The following TTLL5 variants were observed in gnomAD, a reference collection of about 807,000 sequenced individuals.
TTLL5 encodes tubulin tyrosine ligase like 5.
TTLL5 carries 132 observed loss-of-function variants against 168.4 expected under a neutral mutation model. That is an observed-to-expected ratio of 0.78 (90% CI 0.68 to 0.91). TTLL5 has a LOEUF of 0.91. TTLL5 is among the 40% of genes least tolerant of loss of function. TTLL5 has a pLI of 0.00. For missense variants in TTLL5, 1,545 were observed against 1,581.5 expected (o/e 0.98, Z 0.39); for synonymous variants, 546 against 558.6 (o/e 0.98, Z 0.32).
chr14:75,709,050 G>A, intron 9 of TTLL5: 1 of 643,904 alleles, frequency 1.6e-6, no homozygotes, highest in East Asian at 2.7e-5. Context: ...GTCCTGGGCT[G>A]TATGCAGCCT....
At chr14:75,697,429 A>AT (rs1266613550) in intron 6 of TTLL5, among the ~76,000 whole-genome samples, 1 of 152,174 alleles carries the variant, frequency 6.6e-6, no homozygotes, top group Non-Finnish European at 1.5e-5. Flanking sequence ...GGCACATTAA[A>AT]TTTTTTCTAA....
At chr14:75,846,626 A>G (rs982739215) in intron 28 of TTLL5, among the ~76,000 whole-genome samples, 1 of 152,068 alleles carries the variant, frequency 6.6e-6, no homozygotes. Flanking sequence ...CCCTGTCTCT[A>G]CTAAAAATAC....
At chr14:75,746,789 C>T (rs555384682) in intron 17 of TTLL5, among the ~76,000 whole-genome samples, 11 of 152,226 alleles carry the variant, frequency 7.2e-5, no homozygotes, top group Non-Finnish European at 1.2e-4. Flanking sequence ...ATCTTGAACT[C>T]CTGGGCTCAA....
At chr14:75,837,262 A>G (rs2139829594) in intron 28 of TTLL5, 1 of 152,332 alleles carries the variant, frequency 6.6e-6, no homozygotes, top group South Asian at 2.1e-4. Context: ...ACTTTTCCAC[A>G]TGGACTTCTC....
At chr14:75,870,618 T>TAC (rs2030951390) in intron 29 of TTLL5, among the ~76,000 whole-genome samples, 1 of 152,182 alleles carries the variant, frequency 6.6e-6, no homozygotes, top group South Asian at 2.1e-4. Flanking sequence ...TTATTAATAA[T>TAC]ACAGGAATGA....
intron 31 of TTLL5, among the ~76,000 whole-genome samples, chr14:75,914,487 T>A (rs894660729): frequency 5.3e-5 from 8 of 152,142 alleles, no homozygotes; most frequent in Non-Finnish European, 1.2e-4. Flanking sequence ...TCATAAAAAA[T>A]GCATTTTATT....
intron 28 of TTLL5, among the ~76,000 whole-genome samples, chr14:75,827,704 G>GTTTT (rs1566621341): frequency 3.2e-5 from 3 of 92,554 alleles, no homozygotes; most frequent in African/African-American, 1.2e-4. Flanking sequence ...ATTTGGCTTG[G>GTTTT]TTCTTTTTTT....
At chr14:75,907,955 C>T (rs886827193) in intron 31 of TTLL5, among the ~76,000 whole-genome samples, 7 of 152,202 alleles carry the variant, frequency 4.6e-5, no homozygotes, top group Non-Finnish European at 1.0e-4. Flanking sequence ...GATACTTGGA[C>T]CTGCCACAGT....
intron 26 of TTLL5, among the ~76,000 whole-genome samples, chr14:75,789,093 C>A (rs993230349): frequency 6.6e-6 from 1 of 152,064 alleles, no homozygotes; most frequent in Non-Finnish European, 1.5e-5. Flanking sequence ...GAAGGAGATT[C>A]TCTTAAAAAA....
At chr14:75,772,054 A>C (rs755331463) in intron 21 of TTLL5, among the ~76,000 whole-genome samples, 200 bp downstream of exon 21, 1 of 152,152 alleles carries the variant, frequency 6.6e-6, no homozygotes, top group South Asian at 2.1e-4. Flanking sequence ...ATGTGAAGCA[A>C]ATCTTTGACC....
At chr14:75,825,332 GGA>G (rs1251958188) in intron 28 of TTLL5, among the ~76,000 whole-genome samples, 1 of 152,148 alleles carries the variant, frequency 6.6e-6, no homozygotes, top group Non-Finnish European at 1.5e-5. Flanking sequence ...TCCTGGGACT[GGA>G]TAACAGAAAT....
Position 75,752,903 on chromosome 14 carries a change from G to T in TTLL5, c.1498G>T (p.Glu500Ter). 6.2e-7 allele frequency: 1 copy of T among 1,612,898 alleles called. No homozygotes were observed. Among genetic ancestry groups the T allele is most frequent in the East Asian group, 2.2e-5 (1 of 44,822 alleles). ...ETWEIYGSYL[E>*]HKTSMNYMLA... ...TTCTTTGCTTTTCAGGTCCTACCTC[G>T]AGCATAAGACCTCAATGAACTATAT... Residue 500 changes from glutamate (E) to a stop codon, truncating the protein, a stop_gained, in exon 18 of 32, where the codon GAG (glutamate) becomes TAG (stop). Coordinates refer to ENST00000298832, the MANE Select transcript of TTLL5 (RefSeq NM_015072.5). LOFTEE classifies it high-confidence loss of function.
chr14:75,684,524 A>G (rs1481926550), intron 5 of TTLL5: 1 of 152,236 alleles, frequency 6.6e-6, no homozygotes, highest in Admixed American at 6.5e-5. Flanking sequence ...AATTTTGATG[A>G]CAGATCATTT....
At position 75,719,807 on chromosome 14, in the gene TTLL5, A is replaced by C; in HGVS notation, c.915A>C (p.Gln305His). Residue 305 changes from glutamine (Q) to histidine (H), a missense_variant, in exon 11 of 32, where the codon CAA becomes CAC. Coordinates refer to ENST00000298832, the MANE Select transcript of TTLL5 (RefSeq NM_015072.5). ...SMSAMLRYLK[Q>H]EGRDTTALMA... ...GTGCTATGCTTAGGTACCTGAAACA[A>C]GAAGGCAGAGATACAACCGGTGAGT... 6.2e-7 allele frequency: 1 copy of C among 1,613,976 alleles called. No homozygotes were observed. Among genetic ancestry groups the C allele is most frequent in the Non-Finnish European group, 8.5e-7 (1 of 1,179,906 alleles).
chr14:75,920,568 G>A (rs2033790781), intron 31 of TTLL5, among the ~76,000 whole-genome samples: 1 of 152,208 alleles, frequency 6.6e-6, no homozygotes, highest in South Asian at 2.1e-4. Flanking sequence ...TCCCTGCAAA[G>A]GACATGAACT....
Position 75,661,406 on chromosome 14 carries a change from G to A in TTLL5, c.-96+19G>A, listed in dbSNP as rs1890709135. The A allele has an allele frequency of 1.3e-5, 2 of 152,426 alleles. No homozygotes were observed. Among genetic ancestry groups the A allele is most frequent in the Admixed American group, 1.3e-4 (2 of 15,292 alleles). The allele number at this position is 152,426 out of a possible 1,614,324, so 9.4% of individuals were successfully genotyped here. On this transcript the variant is annotated intron_variant, in intron 1 of 31. Transcript: ENST00000298832. Reference sequence around the variant, plus strand: ...GAGACAGGTAAACGCCTGCGCCCGCGCGCTTCCCTACCCTAGGGAGGAGCA... The same window carrying A: ...GAGACAGGTAAACGCCTGCGCCCGCACGCTTCCCTACCCTAGGGAGGAGCA...
intron 31 of TTLL5, among the ~76,000 whole-genome samples, chr14:75,939,256 G>C (rs1195188149): frequency 6.6e-6 from 1 of 152,186 alleles, no homozygotes. Context: ...TAAGTATTAT[G>C]GGAATTTTAT....
At chr14:75,745,028 AG>A in intron 15 of TTLL5, 66 bp from the exon 16 acceptor site, 1 of 1,246,618 alleles carries the variant, frequency 8.0e-7, no homozygotes, top group Non-Finnish European at 1.1e-6. Context: ...GGGAATGAAC[AG>A]AGGGTAATGA....
intron 28 of TTLL5, among the ~76,000 whole-genome samples, chr14:75,841,932 G>A (rs1486070953): frequency 6.6e-6 from 1 of 152,054 alleles, no homozygotes; most frequent in East Asian, 1.9e-4. Context: ...ATGTTTTTCA[G>A]TCTGTTCATA....
Sources: allele counts gnomAD v4.1 joint callset (sites outside exome capture counted in the v4.1 genomes callset), GRCh38; gene constraint gnomAD v4.1.1; transcripts MANE v1.5; gene names NCBI Gene and HGNC (gene_info 2026-07-23, HGNC 2026-07-21).